The following ZNF684 variants were observed in gnomAD, a reference collection of about 807,000 sequenced individuals.
ZNF684 encodes zinc finger protein 684, also known as hypothetical protein MGC27466.
In ZNF684, 13 loss-of-function variants were observed where a neutral mutation model predicts 12.8. The observed-to-expected ratio is 1.02, with a 90% CI of 0.66 to 1.62. The LOEUF is 1.62. Among genes scored for constraint, ZNF684 ranks in the 40% most tolerant of loss-of-function variants. The probability of loss-of-function intolerance (pLI) is 0.00; values close to 1 mark genes in which losing one functional copy is unlikely to be tolerated. For missense variants in ZNF684, 384 were observed against 446.9 expected, an observed-to-expected ratio of 0.86 and a Z score of 1.27; for synonymous variants, 118 against 151.8, an observed-to-expected ratio of 0.78 and a Z score of 1.64.
At chr1:40,535,515 G>A (rs1033353245) in intron 2 of ZNF684, among the ~76,000 whole-genome samples, 1 of 152,140 alleles carries the variant, frequency 6.6e-6, no homozygotes, top group Admixed American at 6.5e-5. Flanking sequence ...TTGCTAGCCA[G>A]AAGTCTTTTT....
At chr1:40,532,056 C>T (rs1645960930) in intron 1 of ZNF684, among the ~76,000 whole-genome samples, 1 of 152,150 alleles carries the variant, frequency 6.6e-6, no homozygotes, top group African/African-American at 2.4e-5. Flanking sequence ...GTCTGTTCAT[C>T]TAACTGTACC....
At position 40,547,413 on chromosome 1, in the gene ZNF684, T is replaced by A. The variant is rs1646055456; in HGVS notation, c.1090T>A (p.Phe364Ile). Residue 364 changes from phenylalanine to isoleucine, a missense_variant, in exon 5 of 5, where the codon TTT becomes ATT. Phe to Ile is a conservative substitution (Grantham distance 21, BLOSUM62 0). Coordinates refer to ENST00000372699, the MANE Select transcript of ZNF684 (RefSeq NM_152373.4). ...PYECNRCGKA[F>I]SQKSNLIVHQ... ...TGAATGTAACAGATGTGGGAAAGCA[T>A]TTTCCCAGAAGTCAAATCTTATTGT... is the stretch of plus-strand genomic sequence containing the variant. The A allele has an allele frequency of 1.2e-6, 2 of 1,611,368 alleles. No individual in the cohort carries two copies. Among genetic ancestry groups the A allele is most frequent in the African/African-American group, 1.3e-5 (1 of 74,986 alleles).
chr1:40,532,817 A>C (rs948198432), intron 1 of ZNF684, among the ~76,000 whole-genome samples: 19 of 152,178 alleles, frequency 1.2e-4, no homozygotes, highest in African/African-American at 4.1e-4. Context: ...AAGTGAGTCA[A>C]CTCATTCATT....
intron 2 of ZNF684, among the ~76,000 whole-genome samples, chr1:40,533,619 A>G (rs1217452407): frequency 6.6e-6 from 1 of 152,192 alleles, no homozygotes; most frequent in East Asian, 1.9e-4. Flanking sequence ...TCCCTAGAGT[A>G]AGAACATAGT....
chr1:40,547,160 C>T lies in ZNF684; in HGVS notation c.837C>T (p.Thr279=). 1 of 1,614,202 alleles carries T rather than the reference C, an allele frequency of 6.2e-7. No individual in the cohort carries two copies. The highest frequency in any genetic ancestry group is 8.5e-7 in the Non-Finnish European group (1 of 1,180,036). Residue 279 remains threonine, a synonymous_variant, in exon 5 of 5, where the codon ACC becomes ACT. Transcript: ENST00000372699. ...TTGAATGTAAGGAATGTGGGAAAAC[C>T]TTCAGGTATAGTTCATCCCTTTATA... The part of the protein sequence containing the change: ...KSFECKECGK[T]FRYSSSLYKH...
chr1:40,537,458 A>T (rs1645991805), intron 2 of ZNF684, among the ~76,000 whole-genome samples: 1 of 152,200 alleles, frequency 6.6e-6, no homozygotes, highest in Non-Finnish European at 1.5e-5. Context: ...ATATACAGTC[A>T]GCCAGGTGCA....
Position 40,540,783 on chromosome 1 carries a change from G to T in ZNF684, c.142+71G>T, listed in dbSNP as rs1282003539. 11 of 1,357,154 alleles carry T rather than the reference G, an allele frequency of 8.1e-6. No homozygotes were observed. The East Asian group carries it at 3.0e-4, about 37-fold the overall frequency. The allele number at this position is 1,357,154 out of a possible 1,614,324, so 84.1% of individuals were successfully genotyped here. On this transcript the variant is annotated intron_variant, in intron 3 of 4. Transcript: ENST00000372699. The stretch of plus-strand genomic sequence containing the variant: ...TAATAGTGCTCATTTTTTAAGACTT[G>T]GGAACGTTTGCCAATTGTGGTCGCT...
chr1:40,545,661 A>G (rs1305284479), intron 4 of ZNF684, among the ~76,000 whole-genome samples: 3 of 152,152 alleles, frequency 2.0e-5, no homozygotes, highest in Non-Finnish European at 4.4e-5. Flanking sequence ...AGCCATGACT[A>G]CAGACATGCT....
At chr1:40,532,145 CTG>C in intron 1 of ZNF684, among the ~76,000 whole-genome samples, 1 of 152,254 alleles carries the variant, frequency 6.6e-6, no homozygotes, top group East Asian at 1.9e-4. Context: ...CCAGTGGAAA[CTG>C]TAAGCTATTT....
intron 4 of ZNF684, among the ~76,000 whole-genome samples, chr1:40,545,617 G>A (rs1486114681): frequency 6.6e-6 from 1 of 152,176 alleles, no homozygotes; most frequent in Non-Finnish European, 1.5e-5. Context: ...TACAAGTACA[G>A]GTACAAATGA....
intron 4 of ZNF684, among the ~76,000 whole-genome samples, chr1:40,542,457 C>T (rs571046342): frequency 6.6e-6 from 1 of 152,158 alleles, no homozygotes; most frequent in Admixed American, 6.6e-5. Context: ...AATTCCCCTC[C>T]AGCTTTTTGT....
intron 2 of ZNF684, among the ~76,000 whole-genome samples, chr1:40,537,725 A>G (rs905834900): frequency 2.6e-5 from 4 of 152,120 alleles, no homozygotes; most frequent in Admixed American, 2.6e-4. Flanking sequence ...CCTGGGCGAC[A>G]GAGCAAGACT....
At chr1:40,535,222 G>C (rs991830287) in intron 2 of ZNF684, among the ~76,000 whole-genome samples, 1 of 152,162 alleles carries the variant, frequency 6.6e-6, no homozygotes, top group Non-Finnish European at 1.5e-5. Context: ...CAGCCATCCT[G>C]TGGTATCCAT....
chr1:40,541,620 CCAATTACCAAAACA>C lies in ZNF684; in HGVS notation c.149_162del (p.Pro50GlnfsTer28). On this transcript the variant is annotated frameshift_variant, in exon 4 of 5. Coordinates refer to ENST00000372699, the MANE Select transcript of ZNF684 (RefSeq NM_152373.4). LOFTEE classifies it high-confidence loss of function. ...TGCTGTTTTCCCACCAACAGGATGT[CCAATTACCAAAACA>C]AAAGTGATCCTCAAGGTAGAGCAAG... is the stretch of plus-strand genomic sequence containing the variant. The C allele has an allele frequency of 6.2e-7, 1 of 1,612,726 alleles. No individual in the cohort carries two copies. Among genetic ancestry groups the C allele is most frequent in the Non-Finnish European group, 8.5e-7 (1 of 1,179,206 alleles).
At chr1:40,544,477 G>A (rs7545749) in intron 4 of ZNF684, 56,356 of 356,362 alleles carry the variant, frequency 0.16, 4,987 homozygotes, top group Middle Eastern at 0.23. Context: ...TCAGCCTCCC[G>A]AAGAGCTGGA....
At chr1:40,545,257 G>GTAT (rs753082644) in intron 4 of ZNF684, among the ~76,000 whole-genome samples, 3 of 152,176 alleles carry the variant, frequency 2.0e-5, no homozygotes. Flanking sequence ...GAGGCTTGGA[G>GTAT]TATTGTACTA....
At chr1:40,534,362 T>G (rs1308941822) in intron 2 of ZNF684, among the ~76,000 whole-genome samples, 2 of 150,504 alleles carry the variant, frequency 1.3e-5, no homozygotes, top group Admixed American at 6.6e-5. Flanking sequence ...TGCCTCAGCT[T>G]CCTGAGTAGG....
chr1:40,544,092 C>A (rs1389283295), intron 4 of ZNF684, among the ~76,000 whole-genome samples: 1 of 151,562 alleles, frequency 6.6e-6, no homozygotes, highest in Admixed American at 6.6e-5. Flanking sequence ...TGTTATAGAG[C>A]CAGACATTGT....
chr1:40,536,837 A>G (rs1645988342), intron 2 of ZNF684, among the ~76,000 whole-genome samples: 1 of 151,020 alleles, frequency 6.6e-6, no homozygotes, highest in East Asian at 1.9e-4. Flanking sequence ...TACAAAGGAC[A>G]TGAACTCATC....
Sources: allele counts gnomAD v4.1 joint callset (sites outside exome capture counted in the v4.1 genomes callset), GRCh38; gene constraint gnomAD v4.1.1; transcripts MANE v1.5; gene names NCBI Gene and HGNC (gene_info 2026-07-23, HGNC 2026-07-21).